GRAMD1C: variants seen among roughly 807,000 people sequenced by gnomAD.
The protein encoded by GRAMD1C is protein Aster-C.
In GRAMD1C, 89 loss-of-function variants were observed where a neutral mutation model predicts 97.8. That is an observed-to-expected ratio of 0.91 (90% CI 0.77 to 1.09). The LOEUF (loss-of-function observed/expected upper bound fraction) is 1.09. GRAMD1C is among the 50% of genes least tolerant of loss of function. The probability of loss-of-function intolerance (pLI) is 0.00; values close to 1 mark genes in which losing one functional copy is unlikely to be tolerated. For synonymous variants in GRAMD1C, 256 were observed against 267.0 expected (o/e 0.96, Z 0.40); for missense variants, 740 against 766.4 (o/e 0.97, Z 0.41).
chr3:113,931,038 G>GTA (rs1937399241), intron 11 of GRAMD1C, among the ~76,000 whole-genome samples: 1 of 152,098 alleles, frequency 6.6e-6, no homozygotes, highest in Non-Finnish European at 1.5e-5. Context: ...TTGTTAAAAG[G>GTA]TATTTATGAG....
rs920905437 is a variant in GRAMD1C, at chr3:113,844,829, C to G, written c.174+180C>G. 9 of 508,118 alleles carry G rather than the reference C, an allele frequency of 1.8e-5. No individual in the cohort carries two copies. In the African/African-American group the frequency reaches 1.8e-4, roughly 10 times the overall value. The allele number at this position is 508,118 out of a possible 1,614,324, so 31.5% of individuals were successfully genotyped here. A position where few individuals can be genotyped will look rare whatever the true frequency, so the allele number is the denominator to read the frequency against. ...TCTCTCCTTTGACCACTAGAATGCA[C>G]TGTTGTCTGGTTCGATGAAATGGAA... On this transcript the variant is annotated intron_variant, in intron 2 of 17. Transcript: ENST00000358160.
At chr3:113,887,209 C>G (rs865987900) in intron 6 of GRAMD1C, among the ~76,000 whole-genome samples, 31 of 150,616 alleles carry the variant, frequency 2.1e-4, no homozygotes, top group African/African-American at 7.1e-4. Context: ...TCCTGCCTCA[C>G]CCTCCCAAGT....
chr3:113,863,284 A>C (rs1433384044), intron 2 of GRAMD1C, among the ~76,000 whole-genome samples: 2 of 152,202 alleles, frequency 1.3e-5, no homozygotes, highest in Admixed American at 1.3e-4. Flanking sequence ...TCATGCTGCA[A>C]TATAGATGAA....
At chr3:113,935,209 A>G (rs1361123676) in intron 13 of GRAMD1C, among the ~76,000 whole-genome samples, 1 of 152,158 alleles carries the variant, frequency 6.6e-6, no homozygotes. Flanking sequence ...GACTTTTATC[A>G]AGATCACACA....
At chr3:113,830,040 A>G (rs1470312265) in intron 1 of GRAMD1C, among the ~76,000 whole-genome samples, 1 of 152,094 alleles carries the variant, frequency 6.6e-6, no homozygotes, top group Non-Finnish European at 1.5e-5. Context: ...TGAAATGCAG[A>G]AGGTTGAATA....
At chr3:113,889,906 G>A (rs925545673) in intron 6 of GRAMD1C, among the ~76,000 whole-genome samples, 9 of 152,120 alleles carry the variant, frequency 5.9e-5, no homozygotes, top group African/African-American at 2.2e-4. Flanking sequence ...CCAAAGTACT[G>A]GGATTACTGG....
intron 6 of GRAMD1C, 95 bp downstream of exon 6, chr3:113,882,927 T>C: frequency 1.7e-6 from 1 of 584,246 alleles, no homozygotes; most frequent in Non-Finnish European, 3.1e-6. Flanking sequence ...TAACTAAATT[T>C]GACTAGATAA....
intron 7 of GRAMD1C, 42 bp downstream of exon 7, chr3:113,901,188 TAATC>T (rs746511004): frequency 2.0e-6 from 2 of 982,304 alleles, no homozygotes; most frequent in Non-Finnish European, 3.3e-6. Flanking sequence ...TATCAATTAT[TAATC>T]AAAGCAGAAT....
intron 1 of GRAMD1C, among the ~76,000 whole-genome samples, chr3:113,833,080 C>A (rs1350436881): frequency 6.6e-6 from 1 of 151,096 alleles, no homozygotes. Context: ...AATATATTTG[C>A]CTTCAAATTT....
In GRAMD1C at chr3:113,904,168, T is replaced by C; in HGVS notation, c.685T>C (p.Ser229Pro). ...RSPGRSSLDD[S>P]GERDEKLSKS... ...TCCAGGAAGAAGCAGCTTGGATGAC[T>C]CTGGGGAGAGAGATGAAAAATTATC... The change falls in exon 8 of 18, where the codon TCT (serine) becomes CCT (proline). Residue 229 changes from serine to proline, a missense_variant. Coordinates refer to ENST00000358160, the MANE Select transcript of GRAMD1C (RefSeq NM_017577.5). 6.2e-7 allele frequency: 1 copy of C among 1,610,002 alleles called. No individual in the cohort carries two copies. Among genetic ancestry groups the C allele is most frequent in the South Asian group, 1.1e-5 (1 of 90,990 alleles).
chr3:113,892,627 A>G (rs1479915232), intron 6 of GRAMD1C, among the ~76,000 whole-genome samples: 1 of 152,226 alleles, frequency 6.6e-6, no homozygotes, highest in African/African-American at 2.4e-5. Flanking sequence ...CATTCGTGAC[A>G]TAATTTATAG....
At chr3:113,857,450 A>G (rs1934187435) in intron 2 of GRAMD1C, among the ~76,000 whole-genome samples, 2 of 148,540 alleles carry the variant, frequency 1.3e-5, no homozygotes, top group South Asian at 2.1e-4. Context: ...ATCTTGGCTC[A>G]CTGCAAGCTC....
chr3:113,915,219 G>C (rs182549351), intron 9 of GRAMD1C, among the ~76,000 whole-genome samples: 2 of 152,306 alleles, frequency 1.3e-5, no homozygotes, highest in Admixed American at 6.5e-5. Flanking sequence ...ATTAAGTCAA[G>C]TTGAAACATT....
At chr3:113,919,175 T>C (rs1936943374) in intron 10 of GRAMD1C, 2 of 298,924 alleles carry the variant, frequency 6.7e-6, no homozygotes, top group African/African-American at 4.4e-5. Flanking sequence ...ACAGTTCTCC[T>C]GAGTGAAAAG....
At chr3:113,930,668 T>G in intron 10 of GRAMD1C, 46 bp from the exon 11 acceptor site, 1 of 967,386 alleles carries the variant, frequency 1.0e-6, no homozygotes, top group Non-Finnish European at 1.7e-6. Context: ...AATGTCATAC[T>G]GTTTAAGTTT....
chr3:113,938,030 G>A, intron 14 of GRAMD1C, 56 bp from the exon 15 acceptor site: 2 of 827,320 alleles, frequency 2.4e-6, no homozygotes, highest in Non-Finnish European at 3.7e-6. Context: ...AAAAAATTTG[G>A]ATCAGTTGTA....
chr3:113,902,689 C>T (rs1248066646), intron 7 of GRAMD1C, among the ~76,000 whole-genome samples: 1 of 152,048 alleles, frequency 6.6e-6, no homozygotes. Context: ...CTCTGTCACC[C>T]AGGCTGGAGC....
chr3:113,851,522 CTTT>C (rs35669503), intron 2 of GRAMD1C, among the ~76,000 whole-genome samples: 10 of 133,566 alleles, frequency 7.5e-5, no homozygotes, highest in Non-Finnish European at 1.1e-4. Context: ...TTCTTTCTTT[CTTT>C]TTTTTTTTTT....
At chr3:113,901,192 C>A in intron 7 of GRAMD1C, 46 bp downstream of exon 7, 2 of 964,570 alleles carry the variant, frequency 2.1e-6, no homozygotes, top group South Asian at 1.3e-5. Flanking sequence ...AATTATTAAT[C>A]AAAGCAGAAT....
Sources: gnomAD v4.1 joint callset for allele counts (sites outside exome capture counted in the v4.1 genomes callset) on GRCh38, gnomAD v4.1.1 for gene constraint, MANE v1.5 for transcripts, NCBI Gene and HGNC (gene_info 2026-07-23, HGNC 2026-07-21) for gene names.